Variants in PCDH11X observed in about 807,000 individuals in gnomAD.
The protein encoded by PCDH11X is protocadherin-11 X-linked.
PCDH11X carries 18 observed loss-of-function variants against 53.3 expected under a neutral mutation model. That is an observed-to-expected ratio of 0.34 (90% CI 0.23 to 0.50). PCDH11X has a LOEUF of 0.50. PCDH11X is among the 20% of genes least tolerant of loss of function. The probability of loss-of-function intolerance (pLI) is 0.98; values close to 1 mark genes in which losing one functional copy is unlikely to be tolerated. For synonymous variants in PCDH11X, 279 were observed against 393.3 expected, an observed-to-expected ratio of 0.71 and a Z score of 3.44; for missense variants, 570 against 1,032.4, an observed-to-expected ratio of 0.55 and a Z score of 6.14.
At chrX:92,181,251 T>C (rs1029150835) in intron 6 of PCDH11X, among the ~76,000 whole-genome samples, 7 of 111,249 alleles carry the variant, frequency 6.3e-5, no homozygotes, top group African/African-American at 2.0e-4. Context: ...CCCTAGAAAT[T>C]TGTGGAACTT....
At chrX:92,365,895 T>C (rs1182341735) in intron 8 of PCDH11X, among the ~76,000 whole-genome samples, 2 of 110,197 alleles carry the variant, frequency 1.8e-5, no homozygotes, top group Non-Finnish European at 3.8e-5. Context: ...CAGTATTTTA[T>C]TGAGGATTTT....
intron 8 of PCDH11X, among the ~76,000 whole-genome samples, chrX:92,280,541 T>G (rs2068227008): frequency 9.3e-6 from 1 of 107,962 alleles, no homozygotes; most frequent in African/African-American, 3.4e-5. Context: ...AATAAATAAA[T>G]AAATAAATAA....
chrX:92,464,682 C>G (rs1228755791), intron 9 of PCDH11X, among the ~76,000 whole-genome samples: 1 of 110,640 alleles, frequency 9.0e-6, no homozygotes, highest in African/African-American at 3.3e-5. Flanking sequence ...TTTTGTAGTT[C>G]AGACTCTATG....
chrX:92,578,126 TG>T (rs1160808563), intron 10 of PCDH11X, among the ~76,000 whole-genome samples: 1 of 90,851 alleles, frequency 1.1e-5, no homozygotes, highest in Non-Finnish European at 2.2e-5. Context: ...ATATTGTCAG[TG>T]GGGTGTTAAA....
chrX:92,435,128 G>A (rs2072340614), intron 9 of PCDH11X, among the ~76,000 whole-genome samples: 1 of 110,784 alleles, frequency 9.0e-6, no homozygotes, highest in African/African-American at 3.3e-5. Context: ...TGATACAGGA[G>A]TTGAAAGCCG....
intron 10 of PCDH11X, among the ~76,000 whole-genome samples, chrX:92,575,938 TATATATAC>T (rs1232916713): frequency 5.2e-4 from 14 of 27,093 alleles, no homozygotes; most frequent in African/African-American, 2.5e-3. Context: ...TATATATATA[TATATATAC>T]ACACACACAC....
At chrX:92,349,439 C>T (rs1183308755) in intron 8 of PCDH11X, among the ~76,000 whole-genome samples, 2 of 99,787 alleles carry the variant, frequency 2.0e-5, no homozygotes, top group Non-Finnish European at 4.0e-5. Context: ...CCTCTTCAGT[C>T]ATTTCTCAAT....
chrX:91,830,367 T>C (rs1254358261), intron 4 of PCDH11X, among the ~76,000 whole-genome samples: 1 of 111,835 alleles, frequency 8.9e-6, no homozygotes, highest in African/African-American at 3.3e-5. Flanking sequence ...GTTTGTGGAA[T>C]AAAATTTAAC....
intron 6 of PCDH11X, among the ~76,000 whole-genome samples, chrX:91,906,803 C>T (rs1941171562): frequency 9.0e-6 from 1 of 111,086 alleles, no homozygotes; most frequent in East Asian, 2.8e-4. Context: ...TAATTATGGT[C>T]GTATGAACTC....
chrX:92,576,001 TATATATATATACACAC>T (rs1421842628), intron 10 of PCDH11X, among the ~76,000 whole-genome samples: 1,886 of 38,316 alleles, frequency 0.049, 127 homozygotes, highest in African/African-American at 0.2. Context: ...TATATATATA[TATATATATATACACAC>T]ACACACACAC....
intron 6 of PCDH11X, among the ~76,000 whole-genome samples, chrX:92,068,045 C>A (rs1338435429): frequency 2.7e-5 from 3 of 109,281 alleles, no homozygotes; most frequent in Non-Finnish European, 5.7e-5. Context: ...TTTTGTCTTT[C>A]CTTTTCTTAG....
At chrX:92,216,864 C>A (rs1204530266) in intron 7 of PCDH11X, among the ~76,000 whole-genome samples, 150 of 105,872 alleles carry the variant, frequency 1.4e-3, no homozygotes, top group Non-Finnish European at 1.0e-3. Flanking sequence ...TCGGCAGAAA[C>A]TCTACAAGCC....
intron 4 of PCDH11X, among the ~76,000 whole-genome samples, chrX:91,812,732 T>G (rs1936330716): frequency 9.0e-6 from 1 of 111,200 alleles, no homozygotes; most frequent in African/African-American, 3.3e-5. Flanking sequence ...TTTTCTCTCT[T>G]TAATACCTTC....
chrX:92,435,213 A>G (rs746549094), intron 9 of PCDH11X, among the ~76,000 whole-genome samples: 1 of 110,919 alleles, frequency 9.0e-6, no homozygotes, highest in African/African-American at 3.3e-5. Flanking sequence ...TCTCCAAAAT[A>G]AGACAATTAG....
intron 9 of PCDH11X, among the ~76,000 whole-genome samples, chrX:92,392,698 T>A (rs897923333): frequency 9.0e-6 from 1 of 110,583 alleles, no homozygotes; most frequent in Non-Finnish European, 1.9e-5. Flanking sequence ...CTGTGAAACT[T>A]TAAAAGAATA....
chrX:92,364,063 A>G (rs1343446271), intron 8 of PCDH11X, among the ~76,000 whole-genome samples: 1 of 111,413 alleles, frequency 9.0e-6, no homozygotes, highest in African/African-American at 3.3e-5. Flanking sequence ...TTCTGTTTTA[A>G]AGTATTTTGT....
intron 10 of PCDH11X, among the ~76,000 whole-genome samples, chrX:92,472,168 AC>A (rs1273791586): frequency 9.2e-6 from 1 of 109,069 alleles, no homozygotes; most frequent in Non-Finnish European, 1.9e-5. Flanking sequence ...TTTTTATGAA[AC>A]TTTTGCCAGC....
chrX:91,880,083 A>G (rs1436401563), intron 6 of PCDH11X: 1 of 245,742 alleles, frequency 4.1e-6, no homozygotes, highest in Non-Finnish European at 5.6e-6. Flanking sequence ...AGACCCAAGA[A>G]ATCTGTGCAC....
At chrX:92,254,635 G>A (rs1311756090) in intron 7 of PCDH11X, among the ~76,000 whole-genome samples, 1 of 108,861 alleles carries the variant, frequency 9.2e-6, no homozygotes, top group Non-Finnish European at 1.9e-5. Flanking sequence ...GGGCAGGCCT[G>A]GTGGTGACAA....
Sources: gnomAD v4.1 joint callset for allele counts (sites outside exome capture counted in the v4.1 genomes callset) on GRCh38, gnomAD v4.1.1 for gene constraint, MANE v1.5 for transcripts, NCBI Gene and HGNC (gene_info 2026-07-23, HGNC 2026-07-21) for gene names.